USP45: variants seen among roughly 807,000 people sequenced by gnomAD.
USP45 encodes ubiquitin specific peptidase 45.
Under a neutral mutation model 95.8 loss-of-function variants are expected in USP45, and 89 were observed. The ratio of observed to expected loss-of-function variants is 0.93; its 90% CI spans 0.78 to 1.11. The LOEUF (loss-of-function observed/expected upper bound fraction) is 1.11, where lower values mean the gene tolerates loss of function less well. USP45 is among the 50% of genes least tolerant of loss of function. The pLI, the probability that USP45 is intolerant of heterozygous loss-of-function variation, is 0.00. For missense variants in USP45, 898 were observed against 942.5 expected, an observed-to-expected ratio of 0.95 and a Z score of 0.62; for synonymous variants, 281 against 316.2, an observed-to-expected ratio of 0.89 and a Z score of 1.18.
chr6:99,455,051 C>A lies in USP45; in HGVS notation c.1309-8588G>T, dbSNP rs536462121. Among the ~76,000 whole-genome samples the A allele has an allele frequency of 2.2e-3, 331 of 147,620 alleles. 4 individuals carry two copies. The highest frequency in any genetic ancestry group is 7.9e-3 in the African/African-American group (316 of 40,212). Reference sequence around the variant, plus strand: ...GTTGCAGTGAGCCAAGATCACACCACTGCACTCCAGCCCGGGTGACAGAGC... The same window carrying A: ...GTTGCAGTGAGCCAAGATCACACCAATGCACTCCAGCCCGGGTGACAGAGC... On this transcript the variant is annotated intron_variant, in intron 13 of 17. Coordinates refer to ENST00000500704, the MANE Select transcript of USP45 (RefSeq NM_001346022.3).
At chr6:99,462,717 C>T (rs1480759782) in intron 13 of USP45, 2 of 991,524 alleles carry the variant, frequency 2.0e-6, no homozygotes, top group Non-Finnish European at 1.2e-6. Flanking sequence ...CTGTGGCTCA[C>T]ACCTGCAATT....
chr6:99,474,980 T>C (rs1331757154), intron 9 of USP45, among the ~76,000 whole-genome samples: 1 of 152,188 alleles, frequency 6.6e-6, no homozygotes, highest in Non-Finnish European at 1.5e-5. Flanking sequence ...GGCTATTCCT[T>C]TTCTGAGAAA....
At chr6:99,435,958 C>T (rs761764866) in intron 17 of USP45, 112 bp from the exon 18 acceptor site, 6 of 1,125,674 alleles carry the variant, frequency 5.3e-6, no homozygotes, top group Admixed American at 6.5e-5. Flanking sequence ...CAAATTTTAC[C>T]TGAGAAGCCT....
chr6:99,465,041 T>C, intron 12 of USP45, 39 bp downstream of exon 12: 2 of 1,486,742 alleles, frequency 1.3e-6, no homozygotes, highest in Non-Finnish European at 1.8e-6. Context: ...GATTAAATGT[T>C]CTTCACCAAA....
chr6:99,487,431 G>A (rs1219725016), intron 7 of USP45, among the ~76,000 whole-genome samples: 1 of 151,900 alleles, frequency 6.6e-6, no homozygotes, highest in Non-Finnish European at 1.5e-5. Flanking sequence ...TGAATATCAG[G>A]GGCTGCTCTT....
chr6:99,498,629 A>T (rs1225697141), intron 5 of USP45, among the ~76,000 whole-genome samples: 3 of 152,228 alleles, frequency 2.0e-5, no homozygotes, highest in Non-Finnish European at 4.4e-5. Flanking sequence ...CACTTCTCAA[A>T]GTGGGTCAGA....
At chr6:99,447,888 A>G (rs556358737) in intron 13 of USP45, among the ~76,000 whole-genome samples, 1 of 152,238 alleles carries the variant, frequency 6.6e-6, no homozygotes, top group Non-Finnish European at 1.5e-5. Flanking sequence ...GCTATTCAGC[A>G]ATATTCGCTG....
intron 5 of USP45, among the ~76,000 whole-genome samples, chr6:99,496,940 A>G (rs1375318593): frequency 1.3e-5 from 2 of 152,108 alleles, no homozygotes; most frequent in East Asian, 3.9e-4. Flanking sequence ...ATTATCACCT[A>G]AAGTTCCTAG....
Position 99,446,389 on chromosome 6 carries a change from T to A in USP45, c.1383A>T (p.Glu461Asp), listed in dbSNP as rs1782566290. The change falls in exon 14 of 18, where the codon GAA becomes GAT. Residue 461 changes from glutamate (E) to aspartate (D), a missense_variant. Coordinates refer to ENST00000500704, the MANE Select transcript of USP45 (RefSeq NM_001346022.3). ...SGETVTYQKN[E>D]NLEMNGDSLM... ...AAGAATCCCCATTCATTTCAAGGTTTTCATTTTTCTGGTATGTGACAGTTT... is the reference window on the plus strand; with the variant it reads ...AAGAATCCCCATTCATTTCAAGGTTATCATTTTTCTGGTATGTGACAGTTT... 1 of 1,614,204 alleles carries A rather than the reference T, an allele frequency of 6.2e-7. No individual in the cohort carries two copies. The highest frequency in any genetic ancestry group is 1.1e-5 in the South Asian group (1 of 91,082).
rs41288947 is a variant in USP45, at chr6:99,446,210, C to G, written c.1562G>C (p.Arg521Thr). ...ESASKQTGLF[R>T]SSSGSGVQPD... Reference sequence around the variant, plus strand: ...CTGCACACCGGATCCACTACTGGATCTGAACAGCCCAGTCTGCTTTGAAGC... The same window carrying G: ...CTGCACACCGGATCCACTACTGGATGTGAACAGCCCAGTCTGCTTTGAAGC... The change falls in exon 14 of 18, where the codon AGA (arginine) becomes ACA (threonine). Residue 521 changes from arginine (R) to threonine (T), a missense_variant. Arg to Thr is a moderately conservative substitution (Grantham distance 71, BLOSUM62 -1). Coordinates refer to ENST00000500704, the MANE Select transcript of USP45 (RefSeq NM_001346022.3). 487,689 of 1,613,876 alleles carry G rather than the reference C, an allele frequency of 0.3. 76,205 individuals are homozygous for G. Among genetic ancestry groups the G allele is most frequent in the Admixed American group, 0.35 (20,931 of 59,972 alleles).
chr6:99,508,986 A>G (rs1799143143), intron 2 of USP45, among the ~76,000 whole-genome samples: 4 of 152,212 alleles, frequency 2.6e-5, no homozygotes, highest in Admixed American at 2.6e-4. Context: ...GAAGAGATTC[A>G]TGGTTGTAGG....
At chr6:99,491,739 T>C (rs1002237582) in intron 5 of USP45, among the ~76,000 whole-genome samples, 2 of 152,234 alleles carry the variant, frequency 1.3e-5, no homozygotes, top group South Asian at 4.1e-4. Flanking sequence ...TAAACAAATA[T>C]GACTCCTCAA....
Position 99,488,767 on chromosome 6 carries a change from T to C in USP45, c.532A>G (p.Ile178Val). 1 of 1,603,626 alleles carries C rather than the reference T, an allele frequency of 6.2e-7. No homozygotes were observed. ...TTTCTGCATTTTCCTCCCTTCTGTA[T>C]TTCATCTGTTTCACATTTTTCTTCA... is the stretch of plus-strand genomic sequence containing the variant. ...LCEEKCETDE[I>V]QKGGKCRNLS... The change falls in exon 6 of 18, where the codon ATA (isoleucine) becomes GTA (valine). Residue 178 changes from isoleucine (I) to valine (V), a missense_variant. By Grantham distance (29) the Ile-to-Val change is conservative. Coordinates refer to ENST00000500704, the MANE Select transcript of USP45 (RefSeq NM_001346022.3).
chr6:99,463,788 G>A (rs1221930528), intron 13 of USP45, among the ~76,000 whole-genome samples: 3 of 113,322 alleles, frequency 2.6e-5, no homozygotes, highest in Non-Finnish European at 5.2e-5. Context: ...GCAACAGAGC[G>A]AGACTCCATC....
chr6:99,462,143 A>G lies in USP45; in HGVS notation c.1308+2461T>C, dbSNP rs1394372610. 51 of 982,894 alleles carry G rather than the reference A, an allele frequency of 5.2e-5. 1 individual carries two copies. In the Admixed American group the frequency reaches 3.1e-3, roughly 61 times the overall value. 60.9% of individuals were successfully genotyped at this position (982,894 alleles called of 1,614,324 possible). ...ACCAAAAAAAAGGTAACTCTATTAC[A>G]TGAAAAAAACGTTCAATAAAGAATA... On this transcript the variant is annotated intron_variant, in intron 13 of 17. Coordinates refer to ENST00000500704, the MANE Select transcript of USP45 (RefSeq NM_001346022.3).
At chr6:99,456,279 G>T (rs1300100063) in intron 13 of USP45, among the ~76,000 whole-genome samples, 1 of 151,896 alleles carries the variant, frequency 6.6e-6, no homozygotes, top group African/African-American at 2.4e-5. Flanking sequence ...GAGTTAGAAG[G>T]AATAGTTCTA....
intron 13 of USP45, among the ~76,000 whole-genome samples, chr6:99,457,051 A>T (rs1314755479): frequency 6.6e-6 from 1 of 152,220 alleles, no homozygotes; most frequent in East Asian, 1.9e-4. Flanking sequence ...TAGTGCTCCC[A>T]GGCTCATTAG....
At chr6:99,472,864 CA>C (rs993261497) in intron 9 of USP45, among the ~76,000 whole-genome samples, 6 of 152,114 alleles carry the variant, frequency 3.9e-5, no homozygotes, top group Non-Finnish European at 8.8e-5. Context: ...AAACTTCAAT[CA>C]GCAGTATTTT....
At chr6:99,501,890 G>A in intron 5 of USP45, 1 of 1,255,834 alleles carries the variant, frequency 8.0e-7, no homozygotes, top group Non-Finnish European at 1.0e-6. Context: ...AGCGACAAGA[G>A]TGTCTGTTAT....
Sources: gnomAD v4.1 joint callset for allele counts (sites outside exome capture counted in the v4.1 genomes callset) on GRCh38, gnomAD v4.1.1 for gene constraint, MANE v1.5 for transcripts, NCBI Gene and HGNC (gene_info 2026-07-23, HGNC 2026-07-21) for gene names.